TMEM87A: variants seen among roughly 807,000 people sequenced by gnomAD.
The protein encoded by TMEM87A is transmembrane protein 87A, also known as Golgi-pH regulating cation channel.
In TMEM87A, 50 loss-of-function variants were observed where a neutral mutation model predicts 90.0. The observed-to-expected ratio is 0.56, with a 90% confidence interval of 0.44 to 0.70. The LOEUF (loss-of-function observed/expected upper bound fraction) is 0.70, where lower values mean the gene tolerates loss of function less well. TMEM87A is among the 30% of genes least tolerant of loss of function. TMEM87A has a pLI of 0.00. For missense variants in TMEM87A, 577 were observed against 660.5 expected (o/e 0.87, Z 1.39); for synonymous variants, 226 against 226.7 (o/e 1.00, Z 0.03).
At position 42,231,263 on chromosome 15, in the gene TMEM87A, G is replaced by T; in HGVS notation, c.1063-3C>A. On this transcript the variant is annotated splice_polypyrimidine_tract_variant and splice_region_variant and intron_variant, in intron 11 of 19. Transcript: ENST00000389834. ...AAGGAAGCAAGATCAGTCTGGGCCT[G>T]CAGACAAAGAAAAAGAAGTGGTGAA... 1 of 1,561,652 alleles carries T rather than the reference G, an allele frequency of 6.4e-7. No homozygotes were observed. The highest frequency in any genetic ancestry group is 1.2e-5 in the South Asian group (1 of 81,886).
chr15:42,239,662 T>A lies in TMEM87A; in HGVS notation c.684+8A>T. Reference sequence around the variant, plus strand: ...AATACTGAGGTTAAATAATATAAAGTCACTTACAATCATCAAGGGATAGTC... The same window carrying A: ...AATACTGAGGTTAAATAATATAAAGACACTTACAATCATCAAGGGATAGTC... On this transcript the variant is annotated splice_region_variant and intron_variant, in intron 8 of 19. Transcript: ENST00000389834. The A allele has an allele frequency of 6.2e-7, 1 of 1,611,204 alleles. No individual in the cohort carries two copies. The highest frequency in any genetic ancestry group is 8.5e-7 in the Non-Finnish European group (1 of 1,177,388).
At chr15:42,262,250 G>A (rs1351048739) in intron 4 of TMEM87A, 1 of 152,136 alleles carries the variant, frequency 6.6e-6, no homozygotes, top group Non-Finnish European at 1.5e-5. Flanking sequence ...TAGTCTAAGG[G>A]ATAAATTTGG....
chr15:42,211,733 T>A lies in TMEM87A; in HGVS notation c.1643A>T (p.His548Leu), dbSNP rs769038885. ...TTACTCCATTTTGGACCTTTCAAAG[T>A]GTGTGATCATTCGTTCCTAGGGAAA... Reference protein sequence around the residue: ...LDSDEERMITHFERSKME With the variant: ...LDSDEERMITLFERSKME Residue 548 changes from histidine (H) to leucine (L), a missense_variant, in exon 20 of 20, where the codon CAC becomes CTC. By Grantham distance (99) the His-to-Leu change is moderately conservative. Coordinates refer to ENST00000389834, the MANE Select transcript of TMEM87A (RefSeq NM_015497.5). 1 of 1,612,402 alleles carries A rather than the reference T, an allele frequency of 6.2e-7. No homozygotes were observed. The highest frequency in any genetic ancestry group is 1.1e-5 in the South Asian group (1 of 90,720).
chr15:42,226,998 T>C (rs2050607698), intron 14 of TMEM87A, 89 bp from the exon 15 acceptor site: 1 of 1,272,020 alleles, frequency 7.9e-7, no homozygotes, highest in Non-Finnish European at 1.1e-6. Context: ...AAATCACTTA[T>C]TTGTTCATTC....
chr15:42,256,780 T>C (rs2051192576), intron 6 of TMEM87A, among the ~76,000 whole-genome samples: 1 of 152,158 alleles, frequency 6.6e-6, no homozygotes, highest in African/African-American at 2.4e-5. Context: ...TGAAGTGGTG[T>C]GACTTTGGCT....
chr15:42,238,842 G>A (rs956044628), intron 8 of TMEM87A, among the ~76,000 whole-genome samples: 1 of 149,256 alleles, frequency 6.7e-6, no homozygotes, highest in African/African-American at 2.5e-5. Context: ...AAAATGGCAT[G>A]ATGATTAGGA....
chr15:42,243,707 C>T (rs903414414), intron 7 of TMEM87A, among the ~76,000 whole-genome samples: 21 of 151,660 alleles, frequency 1.4e-4, no homozygotes, highest in Admixed American at 1.1e-3. Flanking sequence ...TTAGTAGAGA[C>T]GGGGTTTCTC....
intron 15 of TMEM87A, chr15:42,226,507 T>C (rs776646043): frequency 6.8e-5 from 22 of 324,324 alleles, no homozygotes; most frequent in South Asian, 3.2e-4. Context: ...GCAATTTATT[T>C]CCATAGTATG....
intron 4 of TMEM87A, among the ~76,000 whole-genome samples, chr15:42,263,804 T>G (rs2051343613): frequency 6.6e-6 from 1 of 152,212 alleles, no homozygotes; most frequent in Non-Finnish European, 1.5e-5. Flanking sequence ...GTGAATATAT[T>G]TAATGCCACT....
chr15:42,248,749 T>A (rs2051027633), intron 6 of TMEM87A, among the ~76,000 whole-genome samples: 1 of 152,192 alleles, frequency 6.6e-6, no homozygotes, highest in African/African-American at 2.4e-5. Context: ...ATTCTCTTTT[T>A]TTTGTTGTGT....
intron 6 of TMEM87A, chr15:42,257,887 G>GAATA (rs1381630937): frequency 7.1e-6 from 7 of 981,482 alleles, no homozygotes; most frequent in Non-Finnish European, 8.5e-6. Flanking sequence ...ATCTTATTTT[G>GAATA]GTTAATATGC....
At chr15:42,250,103 G>T (rs1327073826) in intron 6 of TMEM87A, among the ~76,000 whole-genome samples, 1 of 151,980 alleles carries the variant, frequency 6.6e-6, no homozygotes, top group Non-Finnish European at 1.5e-5. Flanking sequence ...TTTTTCTTTT[G>T]CTTTCCATTT....
intron 3 of TMEM87A, among the ~76,000 whole-genome samples, chr15:42,266,795 T>A (rs1356286820): frequency 6.6e-6 from 1 of 152,262 alleles, no homozygotes; most frequent in South Asian, 2.1e-4. Context: ...GGTGACAAAA[T>A]GGAAAGCATG....
chr15:42,262,397 T>C (rs2051312693), intron 4 of TMEM87A, among the ~76,000 whole-genome samples: 1 of 152,022 alleles, frequency 6.6e-6, no homozygotes, highest in Non-Finnish European at 1.5e-5. Context: ...GCGGAACTCT[T>C]CCTTCAATTA....
At chr15:42,258,206 G>C (rs2051219545) in intron 6 of TMEM87A, 1 of 955,320 alleles carries the variant, frequency 1.0e-6, no homozygotes. Context: ...CTGACGACAT[G>C]TCCATGTTAT....
intron 3 of TMEM87A, among the ~76,000 whole-genome samples, chr15:42,267,551 T>C (rs1023951658): frequency 2.0e-5 from 3 of 152,240 alleles, no homozygotes; most frequent in Non-Finnish European, 4.4e-5. Flanking sequence ...TCTTCTGTTA[T>C]GCCAGATAGT....
In TMEM87A at chr15:42,221,297, CAGAG is replaced by C. The variant is rs761025546; in HGVS notation, c.1404-1166_1404-1163del. Among the ~76,000 whole-genome samples, 353 of 143,332 alleles carry C rather than the reference CAGAG, an allele frequency of 2.5e-3. 1 individual carries two copies. Among genetic ancestry groups the C allele is most frequent in the African/African-American group, 7.7e-3 (296 of 38,308 alleles). 94.0% of individuals were successfully genotyped at this position (143,332 alleles called of 152,430 possible). A position where few individuals can be genotyped will look rare whatever the true frequency, so the allele number is the denominator to read the frequency against. Reference sequence around the variant, plus strand: ...AGAGAGAGAGAGAGAGAGAGAGAGACAGAGAGAGAGAGACAGAGAGAGAGAGAGA... The same window carrying C: ...AGAGAGAGAGAGAGAGAGAGAGAGACAGAGAGAGACAGAGAGAGAGAGAGA... On this transcript the variant is annotated intron_variant, in intron 15 of 19. Transcript: ENST00000389834.
At chr15:42,238,406 C>T (rs1340197865) in intron 8 of TMEM87A, among the ~76,000 whole-genome samples, 1 of 151,800 alleles carries the variant, frequency 6.6e-6, no homozygotes, top group Non-Finnish European at 1.5e-5. Context: ...CCCGTCTCTA[C>T]TAAAAATACA....
intron 4 of TMEM87A, among the ~76,000 whole-genome samples, 161 bp downstream of exon 4, chr15:42,263,929 G>C (rs2051346316): frequency 1.3e-5 from 2 of 152,190 alleles, no homozygotes; most frequent in African/African-American, 4.8e-5. Context: ...ACCTCTCTTT[G>C]ATGAGTATGT....
Sources: gnomAD v4.1 joint callset for allele counts (sites outside exome capture counted in the v4.1 genomes callset) on GRCh38, gnomAD v4.1.1 for gene constraint, MANE v1.5 for transcripts, NCBI Gene and HGNC (gene_info 2026-07-23, HGNC 2026-07-21) for gene names.